Variants in TDRD10 observed in about 807,000 individuals in gnomAD.
The protein encoded by TDRD10 is tudor domain containing 10, also known as tudor domain-containing protein 10.
A neutral mutation model predicts 48.0 loss-of-function variants in TDRD10; 40 were observed. That is an observed-to-expected ratio of 0.83 (90% confidence interval 0.65 to 1.09). TDRD10 has a LOEUF of 1.09. Ranked by LOEUF, TDRD10 falls within the 50% of genes least tolerant of loss-of-function variation. The pLI is 0.00. For missense variants in TDRD10, 378 were observed against 434.7 expected (o/e 0.87, Z 1.16); for synonymous variants, 162 against 170.4 (o/e 0.95, Z 0.38).
intron 2 of TDRD10, 87 bp from the exon 3 acceptor site, chr1:154,507,154 G>A: frequency 6.4e-7 from 1 of 1,572,452 alleles, no homozygotes; most frequent in Non-Finnish European, 8.6e-7. Context: ...GGAGGTTTAT[G>A]CAAGGCCCCT....
At chr1:154,526,599 C>T (rs1233661739) in intron 6 of TDRD10, among the ~76,000 whole-genome samples, 7 of 151,876 alleles carry the variant, frequency 4.6e-5, no homozygotes, top group Non-Finnish European at 1.0e-4. Context: ...GGGATTACAG[C>T]CACACGCCAC....
intron 4 of TDRD10, among the ~76,000 whole-genome samples, chr1:154,517,057 G>C (rs1312995055): frequency 6.6e-6 from 1 of 152,184 alleles, no homozygotes; most frequent in Non-Finnish European, 1.5e-5. Flanking sequence ...GGAGCCTGAA[G>C]GGTCACAGTA....
intron 6 of TDRD10, among the ~76,000 whole-genome samples, chr1:154,522,337 A>C (rs140903818): frequency 6.6e-6 from 1 of 152,254 alleles, no homozygotes; most frequent in East Asian, 1.9e-4. Context: ...CCTTAAGTGC[A>C]CAGATGCTGA....
At chr1:154,535,189 A>G (rs1462526904) in intron 6 of TDRD10, among the ~76,000 whole-genome samples, 1 of 152,142 alleles carries the variant, frequency 6.6e-6, no homozygotes, top group Non-Finnish European at 1.5e-5. Flanking sequence ...TAACATGGTG[A>G]AACTCCATCT....
intron 4 of TDRD10, among the ~76,000 whole-genome samples, chr1:154,512,645 C>G (rs957949256): frequency 6.6e-6 from 1 of 152,084 alleles, no homozygotes; most frequent in East Asian, 1.9e-4. Flanking sequence ...CACCCGGTGA[C>G]TTTTTCCTCT....
rs1485678547 is a variant in TDRD10, at chr1:154,544,090, T to C, written c.631T>C (p.Trp211Arg). The change falls in exon 9 of 13, where the codon TGG becomes CGG. Residue 211 changes from tryptophan to arginine, a missense_variant. Coordinates refer to ENST00000368482, the MANE Select transcript of TDRD10 (RefSeq NM_182499.4). Reference protein sequence around the residue: ...TSIVPKTPFFWAMHVTEALHQ... With the variant: ...TSIVPKTPFFRAMHVTEALHQ... ...TATCGTCCCGAAGACCCCGTTTTTC[T>C]GGGCTATGCACGTCACTGAGGTATG... The C allele has an allele frequency of 1.9e-6, 3 of 1,614,052 alleles. No individual in the cohort carries two copies. Among genetic ancestry groups the C allele is most frequent in the Non-Finnish European group, 2.5e-6 (3 of 1,180,024 alleles).
chr1:154,541,504 G>A (rs558205380), intron 6 of TDRD10, among the ~76,000 whole-genome samples: 1 of 152,182 alleles, frequency 6.6e-6, no homozygotes, highest in South Asian at 2.1e-4. Flanking sequence ...AAGGGGGATA[G>A]ATACTTGGGT....
chr1:154,543,887 A>T, intron 8 of TDRD10, 76 bp from the exon 9 acceptor site: 23 of 1,578,348 alleles, frequency 1.5e-5, no homozygotes, highest in Non-Finnish European at 2.0e-5. Context: ...CCTGCAGGAC[A>T]GGCGTTGGTC....
Position 154,544,128 on chromosome 1 carries a change from G to A in TDRD10, c.651+18G>A, listed in dbSNP as rs1401380641. The A allele has an allele frequency of 3.1e-6, 5 of 1,613,926 alleles. No homozygotes were observed. In the South Asian group the frequency reaches 3.3e-5, roughly 11 times the overall value. ...TCACTGAGGTATGGACTGGTTGTTG[G>A]CCCCCTCAGGCTCCTGTGCCTTCCT... is the stretch of plus-strand genomic sequence containing the variant. On this transcript the variant is annotated intron_variant, in intron 9 of 12. Transcript: ENST00000368482.
chr1:154,509,178 C>G (rs1055675802), intron 4 of TDRD10, among the ~76,000 whole-genome samples: 2 of 147,848 alleles, frequency 1.4e-5, no homozygotes, highest in African/African-American at 5.0e-5. Flanking sequence ...CAACCTAGTC[C>G]TTGCCCTCAA....
At chr1:154,516,230 A>C (rs1490464975) in intron 4 of TDRD10, among the ~76,000 whole-genome samples, 1 of 152,174 alleles carries the variant, frequency 6.6e-6, no homozygotes, top group African/African-American at 2.4e-5. Context: ...TGGTAGCAGG[A>C]GGGGTGTATG....
At chr1:154,504,422 G>T (rs1397114264) in intron 1 of TDRD10, among the ~76,000 whole-genome samples, 1 of 152,162 alleles carries the variant, frequency 6.6e-6, no homozygotes, top group Non-Finnish European at 1.5e-5. Flanking sequence ...GTAATTCCCT[G>T]TCTAACTTTT....
At chr1:154,512,769 A>G (rs1032342178) in intron 4 of TDRD10, among the ~76,000 whole-genome samples, 7 of 152,244 alleles carry the variant, frequency 4.6e-5, no homozygotes, top group Admixed American at 3.3e-4. Context: ...AAAGAGAACC[A>G]GGCCTTCTTA....
chr1:154,544,633 A>G (rs922287761), intron 10 of TDRD10, 116 bp downstream of exon 10: 4 of 1,480,816 alleles, frequency 2.7e-6, no homozygotes, highest in East Asian at 2.4e-5. Context: ...TTCTCTCAAA[A>G]TCATCTTTAT....
intron 11 of TDRD10, 45 bp downstream of exon 11, chr1:154,544,994 G>A (rs752715022): frequency 6.2e-7 from 1 of 1,602,590 alleles, no homozygotes; most frequent in Non-Finnish European, 8.5e-7. Context: ...AGGGACAGGA[G>A]AAGCCATGGT....
At chr1:154,540,241 T>C (rs1429050344) in intron 6 of TDRD10, among the ~76,000 whole-genome samples, 1 of 152,060 alleles carries the variant, frequency 6.6e-6, no homozygotes, top group Non-Finnish European at 1.5e-5. Context: ...TGGTGAGTAC[T>C]GGGGTGGTGG....
chr1:154,520,387 C>G lies in TDRD10; in HGVS notation c.212+13C>G, dbSNP rs748465919. On this transcript the variant is annotated intron_variant, in intron 5 of 12. Coordinates refer to ENST00000368482, the MANE Select transcript of TDRD10 (RefSeq NM_182499.4). ...ATGGCTGCAAATGGTAATGACTGTTCTTTCTTTGTTTTCTTTGGGAAGCAG... is the reference window on the plus strand; with the variant it reads ...ATGGCTGCAAATGGTAATGACTGTTGTTTCTTTGTTTTCTTTGGGAAGCAG... 3 of 1,608,816 alleles carry G rather than the reference C, an allele frequency of 1.9e-6. No individual in the cohort carries two copies. The highest frequency in any genetic ancestry group is 1.7e-5 in the Admixed American group (1 of 59,970).
At chr1:154,544,299 A>G in intron 9 of TDRD10, 73 bp from the exon 10 acceptor site, 1 of 1,546,208 alleles carries the variant, frequency 6.5e-7, no homozygotes, top group Non-Finnish European at 8.7e-7. Context: ...TGCTAACATA[A>G]CAGGTGACGT....
intron 6 of TDRD10, among the ~76,000 whole-genome samples, chr1:154,537,719 C>T (rs1215054833): frequency 3.3e-5 from 5 of 152,142 alleles, no homozygotes; most frequent in African/African-American, 1.2e-4. Flanking sequence ...TGGATGGTCC[C>T]ACCTCCAAGC....
Sources: gnomAD v4.1 joint callset for allele counts (sites outside exome capture counted in the v4.1 genomes callset) on GRCh38, gnomAD v4.1.1 for gene constraint, MANE v1.5 for transcripts, NCBI Gene and HGNC (gene_info 2026-07-23, HGNC 2026-07-21) for gene names.